FRMD4A: variants seen among roughly 807,000 people sequenced by gnomAD.
The protein encoded by FRMD4A is FERM domain containing 4A.
A neutral mutation model predicts 129.1 loss-of-function variants in FRMD4A; 29 were observed. The ratio of observed to expected loss-of-function variants is 0.22; its 90% CI spans 0.17 to 0.31. The LOEUF is 0.31. Ranked by LOEUF, FRMD4A falls within the 10% of genes least tolerant of loss-of-function variation. The pLI is 1.00. For synonymous variants in FRMD4A, 634 were observed against 571.6 expected (o/e 1.11, Z -1.56); for missense variants, 1,272 against 1,375.8 (o/e 0.92, Z 1.19).
chr10:14,300,599 T>C (rs1164166106), intron 2 of FRMD4A, among the ~76,000 whole-genome samples: 1 of 152,194 alleles, frequency 6.6e-6, no homozygotes, highest in African/African-American at 2.4e-5. Context: ...GTCCCTACTT[T>C]CATGGGATGT....
intron 2 of FRMD4A, among the ~76,000 whole-genome samples, chr10:14,110,365 T>A (rs906719707): frequency 2.2e-4 from 33 of 152,040 alleles, no homozygotes; most frequent in African/African-American, 7.5e-4. Flanking sequence ...AGAAAAAAAA[T>A]TCCTTCTTGC....
Position 14,027,267 on chromosome 10 carries a change from CAA to C in FRMD4A, c.46-168357_46-168356del, listed in dbSNP as rs551789550. On this transcript the variant is annotated intron_variant, in intron 2 of 24. Transcript: ENST00000357447. ...TATTGTTTCCATTTAAAGCAGTTGC[CAA>C]GAGAGAGTTGAGTCTCCCAGTCTCA... Among the ~76,000 whole-genome samples the C allele has an allele frequency of 2.5e-3, 380 of 152,284 alleles. 2 individuals are homozygous for C. The highest frequency in any genetic ancestry group is 4.6e-3 in the Non-Finnish European group (310 of 68,024).
At chr10:13,709,848 CT>C (rs984339360) in intron 12 of FRMD4A, among the ~76,000 whole-genome samples, 9 of 151,910 alleles carry the variant, frequency 5.9e-5, no homozygotes, top group Admixed American at 2.0e-4. Context: ...TTCTTTATAT[CT>C]TTATTCTTTT....
At position 13,703,136 on chromosome 10, in the gene FRMD4A, C is replaced by A. The variant is rs138858492; in HGVS notation, c.837-1658G>T. On this transcript the variant is annotated intron_variant, in intron 13 of 24. Transcript: ENST00000357447. ...CCAGAAAAGCTGAATTAGACAAGAA[C>A]AGTATCTTGAAAGGTGGTGCAAGGC... is the stretch of plus-strand genomic sequence containing the variant. 8.4e-3 allele frequency among the ~76,000 whole-genome samples: 1,272 copies of A among 152,106 alleles called. 11 individuals carry two copies. The highest frequency in any genetic ancestry group is 0.027 in the African/African-American group (1,131 of 41,496).
chr10:14,204,059 C>A (rs907398604), intron 2 of FRMD4A, among the ~76,000 whole-genome samples: 7 of 152,150 alleles, frequency 4.6e-5, no homozygotes, highest in Non-Finnish European at 1.0e-4. Flanking sequence ...AGCTAGTCAA[C>A]TTTCTTATTT....
intron 2 of FRMD4A, among the ~76,000 whole-genome samples, chr10:14,220,704 A>G (rs749067798): frequency 6.6e-6 from 1 of 152,012 alleles, no homozygotes; most frequent in Admixed American, 6.6e-5. Context: ...TCAATAGAGG[A>G]CCAGCAGAGG....
intron 2 of FRMD4A, among the ~76,000 whole-genome samples, chr10:13,885,352 C>T (rs1269407177): frequency 6.6e-6 from 1 of 152,220 alleles, no homozygotes; most frequent in African/African-American, 2.4e-5. Context: ...CCCAAGGCCA[C>T]ATAAGCAGTG....
chr10:13,733,735 G>C (rs760620991), intron 12 of FRMD4A, among the ~76,000 whole-genome samples: 2 of 152,182 alleles, frequency 1.3e-5, no homozygotes, highest in Non-Finnish European at 2.9e-5. Flanking sequence ...CCAAAGGCCT[G>C]TTCTTAATTT....
intron 2 of FRMD4A, among the ~76,000 whole-genome samples, chr10:14,156,585 T>C (rs1303952210): frequency 6.6e-6 from 1 of 152,092 alleles, no homozygotes; most frequent in Non-Finnish European, 1.5e-5. Flanking sequence ...GGAAGGTACA[T>C]GGAGACCTCC....
chr10:13,673,752 G>C (rs974424463), intron 16 of FRMD4A, among the ~76,000 whole-genome samples: 1 of 151,362 alleles, frequency 6.6e-6, no homozygotes, highest in African/African-American at 2.4e-5. Flanking sequence ...CACATACATA[G>C]GGTCGAGAAA....
intron 12 of FRMD4A, among the ~76,000 whole-genome samples, chr10:13,718,094 C>T (rs1156370767): frequency 6.6e-6 from 1 of 152,206 alleles, no homozygotes; most frequent in Non-Finnish European, 1.5e-5. Flanking sequence ...AGAGCCGGCC[C>T]ATCCTGCTGG....
intron 15 of FRMD4A, among the ~76,000 whole-genome samples, chr10:13,689,606 A>T (rs1406432817): frequency 4.9e-5 from 7 of 143,334 alleles, no homozygotes; most frequent in Non-Finnish European, 9.0e-5. Flanking sequence ...GGCTGTTAGT[A>T]TAGTGATACC....
At chr10:13,931,399 T>C (rs2095193086) in intron 2 of FRMD4A, among the ~76,000 whole-genome samples, 1 of 152,182 alleles carries the variant, frequency 6.6e-6, no homozygotes, top group South Asian at 2.1e-4. Flanking sequence ...ATTCTTTTTC[T>C]AGGCTTCATC....
chr10:13,735,650 G>T (rs1479140611), intron 12 of FRMD4A, among the ~76,000 whole-genome samples: 3 of 152,164 alleles, frequency 2.0e-5, no homozygotes, highest in African/African-American at 7.2e-5. Flanking sequence ...ATACTTGTTA[G>T]CATGTCCTCT....
intron 15 of FRMD4A, among the ~76,000 whole-genome samples, chr10:13,689,199 G>GGGGGGGTGGGGGGGGGGT (rs2085404072): frequency 5.4e-5 from 1 of 18,552 alleles, no homozygotes; most frequent in Non-Finnish European, 1.0e-4. Flanking sequence ...AACTCTTTGC[G>GGGGGGGTGGGGGGGGGGT]GGGGGGGGGG....
intron 2 of FRMD4A, among the ~76,000 whole-genome samples, chr10:14,190,061 T>C (rs1842269997): frequency 6.6e-6 from 1 of 152,210 alleles, no homozygotes; most frequent in Non-Finnish European, 1.5e-5. Flanking sequence ...TTCCAAAATA[T>C]ATTTGACAAA....
In FRMD4A at chr10:13,981,827, C is replaced by T. The variant is rs1032774063; in HGVS notation, c.46-122915G>A. On this transcript the variant is annotated intron_variant, in intron 2 of 24. Coordinates refer to ENST00000357447, the MANE Select transcript of FRMD4A (RefSeq NM_018027.5). ...CCTGTGACTGCAATTTTCTGTTCTT[C>T]CTGTTAGGGCAGGGGGTCAAGCTCC... Among the ~76,000 whole-genome samples, 7 of 151,270 alleles carry T rather than the reference C, an allele frequency of 4.6e-5. 1 individual carries two copies. The highest frequency in any genetic ancestry group is 4.2e-4 in the South Asian group (2 of 4,770).
chr10:14,012,792 G>T (rs749674462), intron 2 of FRMD4A, among the ~76,000 whole-genome samples: 3 of 152,304 alleles, frequency 2.0e-5, no homozygotes, highest in South Asian at 2.1e-4. Context: ...CTTTTGCCCA[G>T]TGCCTGAAAT....
chr10:14,131,173 G>A (rs1490337308), intron 2 of FRMD4A, among the ~76,000 whole-genome samples: 1 of 152,126 alleles, frequency 6.6e-6, no homozygotes, highest in Non-Finnish European at 1.5e-5. Context: ...TTATACTTTT[G>A]CTAGAGAAAA....
Sources: gnomAD v4.1 joint callset for allele counts (sites outside exome capture counted in the v4.1 genomes callset) on GRCh38, gnomAD v4.1.1 for gene constraint, MANE v1.5 for transcripts, NCBI Gene and HGNC (gene_info 2026-07-23, HGNC 2026-07-21) for gene names.